The following ZNF280D variants were observed in gnomAD, a reference collection of about 807,000 sequenced individuals.
The protein encoded by ZNF280D is zinc finger protein 280D.
ZNF280D carries 39 observed loss-of-function variants against 94.7 expected under a neutral mutation model. That is an observed-to-expected ratio of 0.41 (90% CI 0.32 to 0.54). ZNF280D has a LOEUF of 0.54. Among genes scored for constraint, ZNF280D ranks in the 20% least tolerant of loss-of-function variants. The probability of loss-of-function intolerance (pLI) is 0.22; values close to 1 mark genes in which losing one functional copy is unlikely to be tolerated. For synonymous variants in ZNF280D, 398 were observed against 377.6 expected (o/e 1.05, Z -0.63); for missense variants, 1,090 against 1,149.3 (o/e 0.95, Z 0.75).
chr15:56,698,049 T>G, intron 6 of ZNF280D: 1 of 152,228 alleles, frequency 6.6e-6, no homozygotes, highest in African/African-American at 2.4e-5. Flanking sequence ...GGGTTTTAAT[T>G]AACTGTGGAT....
intron 1 of ZNF280D, among the ~76,000 whole-genome samples, chr15:56,712,321 G>T (rs1256522527): frequency 6.6e-6 from 1 of 151,828 alleles, no homozygotes; most frequent in Non-Finnish European, 1.5e-5. Flanking sequence ...TTTAGATAAG[G>T]TATCTTTACA....
intron 1 of ZNF280D, among the ~76,000 whole-genome samples, chr15:56,711,557 C>T (rs1183440667): frequency 1.3e-5 from 2 of 151,946 alleles, no homozygotes; most frequent in African/African-American, 4.8e-5. Context: ...CCAAGCTACT[C>T]GGGAGGCTGA....
intron 19 of ZNF280D, among the ~76,000 whole-genome samples, chr15:56,650,008 T>C (rs748235004): frequency 1.5e-4 from 23 of 152,064 alleles, no homozygotes; most frequent in Non-Finnish European, 2.4e-4. Context: ...AAAAATCCCA[T>C]AATGCAATAT....
intron 1 of ZNF280D, among the ~76,000 whole-genome samples, chr15:56,710,410 G>GA (rs1371341542): frequency 6.8e-6 from 1 of 147,024 alleles, no homozygotes; most frequent in African/African-American, 2.5e-5. Context: ...TCTGTCTCTC[G>GA]AAAAAATAAA....
At chr15:56,669,989 TA>T in intron 13 of ZNF280D, among the ~76,000 whole-genome samples, 1 of 1,556 alleles carries the variant, frequency 6.4e-4, no homozygotes, top group African/African-American at 1.4e-3. Context: ...ATATATTATA[TA>T]TATATATTAT....
intron 14 of ZNF280D, among the ~76,000 whole-genome samples, chr15:56,668,460 CAA>C (rs149048015): frequency 6.6e-6 from 1 of 152,096 alleles, no homozygotes; most frequent in Non-Finnish European, 1.5e-5. Context: ...GCTGGGGACA[CAA>C]AGATAAATAA....
At chr15:56,677,710 A>G in intron 11 of ZNF280D, 36 bp from the exon 12 acceptor site, 1 of 870,376 alleles carries the variant, frequency 1.1e-6, no homozygotes, top group Middle Eastern at 3.0e-4. Context: ...ATAATATTTA[A>G]GATATTAATA....
intron 19 of ZNF280D, among the ~76,000 whole-genome samples, chr15:56,643,297 T>A (rs1215034271): frequency 1.3e-5 from 2 of 151,758 alleles, no homozygotes; most frequent in Non-Finnish European, 3.0e-5. Flanking sequence ...ATAAAAGACA[T>A]ACACATTAGT....
At position 56,676,824 on chromosome 15, in the gene ZNF280D, A is replaced by G; in HGVS notation, c.1264-8T>C. On this transcript the variant is annotated splice_polypyrimidine_tract_variant and splice_region_variant and intron_variant, in intron 12 of 21. Transcript: ENST00000267807. ...TGATCTATAATTACAAACCTAAAAA[A>G]AGAAAGAAGGCTTAGTTTAACTTGA... 2.5e-6 allele frequency: 4 copies of G among 1,575,092 alleles called. No individual in the cohort carries two copies. The highest frequency in any genetic ancestry group is 3.5e-6 in the Non-Finnish European group (4 of 1,158,750).
intron 1 of ZNF280D, 120 bp downstream of exon 1, chr15:56,733,338 A>G (rs2058999282): frequency 1.8e-6 from 1 of 541,282 alleles, no homozygotes; most frequent in African/African-American, 2.1e-5. Flanking sequence ...GGCGCTCCCG[A>G]CGACCCGCGC....
intron 1 of ZNF280D, among the ~76,000 whole-genome samples, chr15:56,717,014 A>G (rs1329133414): frequency 6.6e-6 from 1 of 152,186 alleles, no homozygotes; most frequent in East Asian, 1.9e-4. Context: ...CAATATTGAA[A>G]CCCAGGACAA....
intron 16 of ZNF280D, among the ~76,000 whole-genome samples, chr15:56,659,917 T>A (rs879427430): frequency 5.0e-4 from 76 of 151,538 alleles, no homozygotes; most frequent in South Asian, 3.3e-3. Context: ...AAAAAAAATA[T>A]ATATATATAC....
At chr15:56,714,831 A>G (rs1308778618) in intron 1 of ZNF280D, among the ~76,000 whole-genome samples, 1 of 152,194 alleles carries the variant, frequency 6.6e-6, no homozygotes, top group Non-Finnish European at 1.5e-5. Context: ...ACTTGATAAT[A>G]TTAATGATTA....
At chr15:56,700,149 T>A in intron 6 of ZNF280D, 1 of 974,708 alleles carries the variant, frequency 1.0e-6, no homozygotes, top group Non-Finnish European at 1.2e-6. Context: ...ACTGTTCAAC[T>A]AAGGCAATTC....
At chr15:56,682,630 G>A (rs1331262075) in intron 9 of ZNF280D, among the ~76,000 whole-genome samples, 153 bp from the exon 10 acceptor site, 1 of 151,964 alleles carries the variant, frequency 6.6e-6, no homozygotes, top group African/African-American at 2.4e-5. Flanking sequence ...AATTTGTGGT[G>A]CATGTACATA....
At chr15:56,690,260 T>C (rs1222222948) in intron 7 of ZNF280D, among the ~76,000 whole-genome samples, 1 of 152,054 alleles carries the variant, frequency 6.6e-6, no homozygotes, top group Non-Finnish European at 1.5e-5. Flanking sequence ...CGGGCACCTG[T>C]AGTCCCAGCT....
intron 1 of ZNF280D, chr15:56,725,087 G>A (rs1028567371): frequency 3.4e-5 from 9 of 264,384 alleles, no homozygotes; most frequent in South Asian, 4.2e-5. Flanking sequence ...AGCCCCTCCA[G>A]GCTTAGCTTC....
At chr15:56,681,547 C>A (rs577327356) in intron 10 of ZNF280D, among the ~76,000 whole-genome samples, 1 of 152,052 alleles carries the variant, frequency 6.6e-6, no homozygotes, top group Non-Finnish European at 1.5e-5. Flanking sequence ...AGGAAAAAAC[C>A]TTATCTAATA....
chr15:56,653,265 T>C, intron 19 of ZNF280D: 4 of 1,179,724 alleles, frequency 3.4e-6, no homozygotes, highest in Non-Finnish European at 4.2e-6. Flanking sequence ...TCAACTTGGA[T>C]GCTGAAGCAG....
Sources: allele counts gnomAD v4.1 joint callset (sites outside exome capture counted in the v4.1 genomes callset), GRCh38; gene constraint gnomAD v4.1.1; transcripts MANE v1.5; gene names NCBI Gene and HGNC (gene_info 2026-07-23, HGNC 2026-07-21).